The following ANKRD17 variants were observed in gnomAD, a reference collection of about 807,000 sequenced individuals.
ANKRD17 encodes ankyrin repeat domain 17, also known as ankyrin repeat domain-containing protein 17.
ANKRD17 carries 19 observed loss-of-function variants against 229.7 expected under a neutral mutation model. The ratio of observed to expected loss-of-function variants is 0.08; its 90% CI spans 0.06 to 0.12. The LOEUF (loss-of-function observed/expected upper bound fraction) is 0.12. Among genes scored for constraint, ANKRD17 ranks in the 10% least tolerant of loss-of-function variants. The probability of loss-of-function intolerance (pLI) is 1.00; values close to 1 mark genes in which losing one functional copy is unlikely to be tolerated. For missense variants in ANKRD17, 2,176 were observed against 3,176.8 expected (o/e 0.68, Z 7.57); for synonymous variants, 1,112 against 1,146.1 (o/e 0.97, Z 0.60).
chr4:73,121,487 C>A, intron 19 of ANKRD17, 130 bp downstream of exon 19: 1 of 1,117,372 alleles, frequency 8.9e-7, no homozygotes, highest in Non-Finnish European at 1.3e-6. Context: ...TCTCAAAAAT[C>A]TCTAACACTT....
chr4:73,126,027 A>T (rs1249986633), intron 16 of ANKRD17, among the ~76,000 whole-genome samples: 1 of 152,224 alleles, frequency 6.6e-6, no homozygotes, highest in East Asian at 1.9e-4. Context: ...GACAGAAATG[A>T]TTAGCCCAAC....
At chr4:73,137,804 T>C (rs1729103400) in intron 15 of ANKRD17, among the ~76,000 whole-genome samples, 1 of 152,314 alleles carries the variant, frequency 6.6e-6, no homozygotes, top group East Asian at 1.9e-4. Flanking sequence ...AATTTTTTTA[T>C]ACAGAACACT....
At chr4:73,218,366 C>T (rs919692129) in intron 1 of ANKRD17, among the ~76,000 whole-genome samples, 2 of 152,036 alleles carry the variant, frequency 1.3e-5, no homozygotes, top group African/African-American at 4.8e-5. Context: ...TGGCAGAGGC[C>T]GGCTGCAGTG....
At chr4:73,112,017 G>C (rs1360198744) in intron 24 of ANKRD17, among the ~76,000 whole-genome samples, 1 of 152,128 alleles carries the variant, frequency 6.6e-6, no homozygotes, top group Non-Finnish European at 1.5e-5. Context: ...GGACATCTAA[G>C]GGACATTCAT....
At chr4:73,115,637 T>C (rs982914717) in intron 23 of ANKRD17, among the ~76,000 whole-genome samples, 184 bp downstream of exon 23, 1 of 152,050 alleles carries the variant, frequency 6.6e-6, no homozygotes, top group Non-Finnish European at 1.5e-5. Context: ...AGAGGATGTT[T>C]TATTGATTCA....
intron 7 of ANKRD17, among the ~76,000 whole-genome samples, chr4:73,150,376 A>G (rs1160670432): frequency 6.6e-6 from 1 of 152,202 alleles, no homozygotes; most frequent in Non-Finnish European, 1.5e-5. Flanking sequence ...GGGGGTGGCA[A>G]GAATGTTTAA....
intron 2 of ANKRD17, among the ~76,000 whole-genome samples, chr4:73,162,865 T>C (rs1176957563): frequency 6.6e-6 from 1 of 151,940 alleles, no homozygotes; most frequent in Non-Finnish European, 1.5e-5. Context: ...GTTTTTGTTT[T>C]TGTTTTTGTT....
At chr4:73,117,616 G>C (rs987189551) in intron 22 of ANKRD17, among the ~76,000 whole-genome samples, 1 of 152,150 alleles carries the variant, frequency 6.6e-6, no homozygotes. Flanking sequence ...GTAGAATAAA[G>C]AACAGCGGTC....
intron 2 of ANKRD17, among the ~76,000 whole-genome samples, chr4:73,175,613 GACC>G (rs1351840645): frequency 6.6e-6 from 1 of 152,086 alleles, no homozygotes; most frequent in African/African-American, 2.4e-5. Flanking sequence ...TACACATATA[GACC>G]ACTAGAATAC....
chr4:73,101,614 G>A (rs1262639858), intron 25 of ANKRD17, among the ~76,000 whole-genome samples: 2 of 143,494 alleles, frequency 1.4e-5, no homozygotes, highest in African/African-American at 5.2e-5. Flanking sequence ...GCAGTGAACC[G>A]AGAGCATAAT....
chr4:73,158,194 GAA>G (rs1732024305), intron 3 of ANKRD17, among the ~76,000 whole-genome samples: 1 of 135,600 alleles, frequency 7.4e-6, no homozygotes, highest in African/African-American at 2.6e-5. Context: ...GAAAGAGAGA[GAA>G]AGAAAGAAAG....
intron 24 of ANKRD17, chr4:73,113,213 A>C: frequency 1.6e-6 from 2 of 1,288,372 alleles, no homozygotes; most frequent in South Asian, 2.5e-5. Flanking sequence ...AATGTGGCAG[A>C]AAAGGGAAGT....
chr4:73,201,817 G>A (rs1204471849), intron 1 of ANKRD17, among the ~76,000 whole-genome samples: 1 of 151,970 alleles, frequency 6.6e-6, no homozygotes, highest in Non-Finnish European at 1.5e-5. Flanking sequence ...CAATTTTCAG[G>A]CTTTCTCACT....
chr4:73,166,031 T>C (rs1733183416), intron 2 of ANKRD17, among the ~76,000 whole-genome samples: 1 of 152,230 alleles, frequency 6.6e-6, no homozygotes, highest in South Asian at 2.1e-4. Context: ...GATGTCTGGC[T>C]CACAGAAATT....
intron 1 of ANKRD17, among the ~76,000 whole-genome samples, chr4:73,181,291 T>C (rs1251361083): frequency 6.6e-6 from 1 of 152,188 alleles, no homozygotes; most frequent in Non-Finnish European, 1.5e-5. Flanking sequence ...GATAAAGAAA[T>C]GCATGATACC....
chr4:73,158,190 GAGAGAA>G (rs1732019940), intron 3 of ANKRD17, among the ~76,000 whole-genome samples: 5 of 87,858 alleles, frequency 5.7e-5, no homozygotes, highest in African/African-American at 1.7e-4. Context: ...GAAAGAAAGA[GAGAGAA>G]AGAAAGAAAG....
chr4:73,077,039 A>G lies in ANKRD17; in HGVS notation c.7653T>C (p.Ala2551=), dbSNP rs111705595. The change falls in exon 33 of 34, where the codon GCT becomes GCC. Residue 2551 remains alanine, a synonymous_variant. Transcript: ENST00000358602. ...GAGGGCCATTAAATATGGGTCCTCCAGCACCATCAGGGATAGGTGCTACTG... is the reference window on the plus strand; with the variant it reads ...GAGGGCCATTAAATATGGGTCCTCCGGCACCATCAGGGATAGGTGCTACTG... ...IPPVAPIPDG[A]GGPIFNGPHA... 9.0e-5 allele frequency: 146 copies of G among 1,613,790 alleles called. No homozygotes were observed. In the African/African-American group the frequency reaches 1.1e-3, roughly 13 times the overall value.
chr4:73,122,436 A>G (rs1231271603), intron 18 of ANKRD17, among the ~76,000 whole-genome samples: 1 of 152,148 alleles, frequency 6.6e-6, no homozygotes, highest in East Asian at 1.9e-4. Context: ...GTGTAGTTGT[A>G]TCCCACTGGA....
chr4:73,099,797 C>T (rs866960808), intron 25 of ANKRD17, among the ~76,000 whole-genome samples: 46 of 152,268 alleles, frequency 3.0e-4, no homozygotes, highest in African/African-American at 1.0e-3. Context: ...GGGGTGTGAG[C>T]CTCTTACTTC....
Sources: gnomAD v4.1 joint callset for allele counts (sites outside exome capture counted in the v4.1 genomes callset) on GRCh38, gnomAD v4.1.1 for gene constraint, MANE v1.5 for transcripts, NCBI Gene and HGNC (gene_info 2026-07-23, HGNC 2026-07-21) for gene names.